VIT: variants seen among roughly 807,000 people sequenced by gnomAD.
VIT encodes vitrin.
Under a neutral mutation model 78.0 loss-of-function variants are expected in VIT, and 99 were observed. That is an observed-to-expected ratio of 1.27 (90% CI 1.08 to 1.50). The LOEUF (loss-of-function observed/expected upper bound fraction) is 1.50, where lower values mean the gene tolerates loss of function less well. Ranked by LOEUF, VIT falls within the 40% of genes most tolerant of loss-of-function variation. VIT has a pLI of 0.00. For synonymous variants in VIT, 374 were observed against 334.3 expected (o/e 1.12, Z -1.29); for missense variants, 1,126 against 875.3 (o/e 1.29, Z -3.61).
intron 1 of VIT, among the ~76,000 whole-genome samples, chr2:36,707,887 A>G (rs549292538): frequency 6.6e-6 from 1 of 150,728 alleles, no homozygotes; most frequent in East Asian, 1.9e-4. Context: ...GAAGTAAAGA[A>G]GAATTGGGAA....
intron 12 of VIT, among the ~76,000 whole-genome samples, chr2:36,790,881 C>T (rs1665443914): frequency 6.8e-6 from 1 of 146,026 alleles, no homozygotes; most frequent in East Asian, 2.0e-4. Context: ...CACCTAATAC[C>T]AACAGGAACA....
At chr2:36,759,395 T>C in intron 6 of VIT, 2 of 1,369,330 alleles carry the variant, frequency 1.5e-6, no homozygotes, top group Non-Finnish European at 9.4e-7. Flanking sequence ...GAAAAAGCTG[T>C]ATCTACTTAG....
At chr2:36,751,980 T>C (rs1668491292) in intron 4 of VIT, among the ~76,000 whole-genome samples, 1 of 152,150 alleles carries the variant, frequency 6.6e-6, no homozygotes, top group African/African-American at 2.4e-5. Context: ...AGAAAGTATA[T>C]TGGGGATCTA....
intron 4 of VIT, among the ~76,000 whole-genome samples, chr2:36,748,511 AG>A: frequency 6.6e-6 from 1 of 152,300 alleles, no homozygotes; most frequent in East Asian, 1.9e-4. Flanking sequence ...TTCTTTCCTC[AG>A]CTTGATCTAC....
chr2:36,811,819 C>A (rs1213897853), intron 15 of VIT, among the ~76,000 whole-genome samples: 2 of 151,850 alleles, frequency 1.3e-5, no homozygotes, highest in Admixed American at 6.6e-5. Context: ...ATTACAGGAA[C>A]CTGCCACCAC....
intron 15 of VIT, 149 bp downstream of exon 15, chr2:36,809,134 G>A: frequency 8.9e-7 from 1 of 1,124,486 alleles, no homozygotes. Context: ...GGCATTAGGG[G>A]TAGAAACACT....
intron 1 of VIT, among the ~76,000 whole-genome samples, chr2:36,701,150 T>A (rs1665031441): frequency 6.6e-6 from 1 of 151,600 alleles, no homozygotes. Flanking sequence ...ACCGTAGTAA[T>A]AACAGTGGAG....
intron 5 of VIT, 28 bp downstream of exon 5, chr2:36,755,082 C>A (rs1668685224): frequency 2.5e-6 from 4 of 1,601,758 alleles, no homozygotes; most frequent in Non-Finnish European, 3.4e-6. Flanking sequence ...AGAAACGCTG[C>A]TAAACCTACC....
intron 9 of VIT, among the ~76,000 whole-genome samples, chr2:36,775,444 T>A (rs111459483): frequency 2.8e-4 from 42 of 152,270 alleles, no homozygotes; most frequent in African/African-American, 1.0e-3. Context: ...GCATGGGGGA[T>A]GGTTGGCAAG....
At chr2:36,724,371 G>A (rs1283184476) in intron 2 of VIT, among the ~76,000 whole-genome samples, 2 of 152,098 alleles carry the variant, frequency 1.3e-5, no homozygotes, top group Non-Finnish European at 2.9e-5. Flanking sequence ...CCTCACCCAG[G>A]GACTGGCTCT....
rs923834646 is a variant in VIT, at chr2:36,774,529, G to A, written c.737-473G>A. ...CACAGGACACTAGGATCAGAAGCAGGTCTTCTCCCTGCTGGGGGATACTCG... is the reference window on the plus strand; with the variant it reads ...CACAGGACACTAGGATCAGAAGCAGATCTTCTCCCTGCTGGGGGATACTCG... On this transcript the variant is annotated intron_variant, in intron 8 of 15. Coordinates refer to ENST00000379242, the MANE Select transcript of VIT (RefSeq NM_053276.4). 6.1e-6 allele frequency: 6 copies of A among 985,402 alleles called. No homozygotes were observed. In the South Asian group the frequency reaches 2.8e-4, roughly 46 times the overall value. The allele number at this position is 985,402 out of a possible 1,614,324, so 61.0% of individuals were successfully genotyped here. A position where few individuals can be genotyped will look rare whatever the true frequency, so the allele number is the denominator to read the frequency against.
rs187301541 is a variant in VIT, at chr2:36,760,485, C to T, written c.487+1439C>T. On this transcript the variant is annotated intron_variant, in intron 6 of 15. Coordinates refer to ENST00000379242, the MANE Select transcript of VIT (RefSeq NM_053276.4). ...TTAGTTTCAAGGATAGAGCTGTTCC[C>T]CACCTCCACCCGTGAACTGGCAGTG... 3.9e-3 allele frequency among the ~76,000 whole-genome samples: 588 copies of T among 152,250 alleles called. 6 individuals carry two copies. The highest frequency in any genetic ancestry group is 0.014 in the African/African-American group (565 of 41,560).
At chr2:36,701,475 TCTA>T (rs1665053504) in intron 1 of VIT, among the ~76,000 whole-genome samples, 2 of 152,358 alleles carry the variant, frequency 1.3e-5, no homozygotes, top group East Asian at 3.9e-4. Context: ...TTGACAAGAC[TCTA>T]GTAAACATTT....
At chr2:36,786,060 G>T (rs901320449) in intron 11 of VIT, among the ~76,000 whole-genome samples, 2 of 152,174 alleles carry the variant, frequency 1.3e-5, no homozygotes, top group Non-Finnish European at 2.9e-5. Flanking sequence ...GTTGTGTGCA[G>T]ATTAGAGAGG....
intron 1 of VIT, among the ~76,000 whole-genome samples, chr2:36,713,772 T>C (rs1020010866): frequency 8.5e-5 from 13 of 152,198 alleles, no homozygotes; most frequent in African/African-American, 2.9e-4. Context: ...AAGTCAAGGA[T>C]AACTCGGATG....
At chr2:36,779,221 G>T (rs1245071076) in intron 9 of VIT, among the ~76,000 whole-genome samples, 2 of 152,224 alleles carry the variant, frequency 1.3e-5, no homozygotes, top group African/African-American at 4.8e-5. Flanking sequence ...ATGGTGGTTA[G>T]GGGTAGGCTT....
In VIT at chr2:36,767,297, G is replaced by A. The variant is rs541755242; in HGVS notation, c.679+12G>A. The A allele has an allele frequency of 1.1e-5, 16 of 1,514,574 alleles. No individual in the cohort carries two copies. Among genetic ancestry groups the A allele is most frequent in the African/African-American group, 2.8e-5 (2 of 71,232 alleles). The allele number at this position is 1,514,574 out of a possible 1,614,324, so 93.8% of individuals were successfully genotyped here. A position where few individuals can be genotyped will look rare whatever the true frequency, so the allele number is the denominator to read the frequency against. ...GAGCCAGGAGATGGGTCAGTAGGTA[G>A]ACCATGTGTTGCTTTGTGCTAGGGA... On this transcript the variant is annotated intron_variant, in intron 7 of 15. Transcript: ENST00000379242.
intron 1 of VIT, among the ~76,000 whole-genome samples, chr2:36,706,467 G>A (rs1172578132): frequency 6.6e-6 from 1 of 152,118 alleles, no homozygotes; most frequent in Non-Finnish European, 1.5e-5. Flanking sequence ...AATAGAACCT[G>A]GAAAGTGGTG....
At chr2:36,767,749 G>A (rs986463540) in intron 7 of VIT, among the ~76,000 whole-genome samples, 8 of 152,168 alleles carry the variant, frequency 5.3e-5, no homozygotes, top group African/African-American at 1.9e-4. Context: ...CTCAAATCAT[G>A]TTGAAGGTTT....
Sources: allele counts gnomAD v4.1 joint callset (sites outside exome capture counted in the v4.1 genomes callset), GRCh38; gene constraint gnomAD v4.1.1; transcripts MANE v1.5; gene names NCBI Gene and HGNC (gene_info 2026-07-23, HGNC 2026-07-21).